FBXL7: variants seen among roughly 807,000 people sequenced by gnomAD.
FBXL7 encodes F-box and leucine rich repeat protein 7, also known as F-box/LRR-repeat protein 7.
FBXL7 carries 12 observed loss-of-function variants against 38.3 expected under a neutral mutation model. That is an observed-to-expected ratio of 0.31 (90% CI 0.20 to 0.51). The LOEUF (loss-of-function observed/expected upper bound fraction) is 0.51, where lower values mean the gene tolerates loss of function less well. Among genes scored for constraint, FBXL7 ranks in the 20% least tolerant of loss-of-function variants. FBXL7 has a pLI of 0.98. For synonymous variants in FBXL7, 297 were observed against 300.9 expected (o/e 0.99, Z 0.13); for missense variants, 567 against 676.4 (o/e 0.84, Z 1.79).
intron 2 of FBXL7, among the ~76,000 whole-genome samples, chr5:15,684,903 T>G (rs1034202998): frequency 2.0e-5 from 3 of 152,198 alleles, no homozygotes; most frequent in Non-Finnish European, 4.4e-5. Flanking sequence ...AATGGTACCA[T>G]GTAATGTCAA....
intron 2 of FBXL7, among the ~76,000 whole-genome samples, chr5:15,846,376 A>G (rs993528720): frequency 6.6e-6 from 1 of 152,244 alleles, no homozygotes; most frequent in Non-Finnish European, 1.5e-5. Flanking sequence ...GAGTGAAAGA[A>G]ATATAAGTCA....
chr5:15,646,257 T>C (rs1297478893), intron 2 of FBXL7, among the ~76,000 whole-genome samples: 1 of 152,244 alleles, frequency 6.6e-6, no homozygotes, highest in Non-Finnish European at 1.5e-5. Flanking sequence ...GTTTCCAGTA[T>C]GATCCTGACA....
At chr5:15,507,743 TA>T (rs923782760) in intron 1 of FBXL7, among the ~76,000 whole-genome samples, 2 of 152,048 alleles carry the variant, frequency 1.3e-5, no homozygotes, top group Admixed American at 6.5e-5. Flanking sequence ...TATGTCCCAA[TA>T]AAAAAAGTCT....
At chr5:15,798,052 T>C (rs1163405737) in intron 2 of FBXL7, among the ~76,000 whole-genome samples, 6 of 152,096 alleles carry the variant, frequency 3.9e-5, no homozygotes, top group Non-Finnish European at 8.8e-5. Flanking sequence ...AATGTGAACG[T>C]GGAGAGGGAG....
At chr5:15,573,130 C>A (rs939399831) in intron 1 of FBXL7, among the ~76,000 whole-genome samples, 39 of 152,250 alleles carry the variant, frequency 2.6e-4, no homozygotes, top group East Asian at 1.5e-3. Flanking sequence ...TTGTTTACTG[C>A]AGGTGTTTGT....
intron 2 of FBXL7, among the ~76,000 whole-genome samples, chr5:15,734,327 G>T (rs770122842): frequency 6.6e-6 from 1 of 152,190 alleles, no homozygotes; most frequent in Non-Finnish European, 1.5e-5. Context: ...CCTCAGTGAG[G>T]CACATACTGC....
chr5:15,678,458 C>G (rs1347833114), intron 2 of FBXL7, among the ~76,000 whole-genome samples: 1 of 152,190 alleles, frequency 6.6e-6, no homozygotes, highest in Admixed American at 6.5e-5. Context: ...TGGACATCTT[C>G]AAGATGGTGT....
In FBXL7 at chr5:15,628,703, T is replaced by C. The variant is rs1259302056; in HGVS notation, c.127+12631T>C. 2.6e-5 allele frequency among the ~76,000 whole-genome samples: 4 copies of C among 152,314 alleles called. No homozygotes were observed. In the South Asian group the frequency reaches 6.2e-4, roughly 24 times the overall value. On this transcript the variant is annotated intron_variant, in intron 2 of 3. Coordinates refer to ENST00000504595, the MANE Select transcript of FBXL7 (RefSeq NM_012304.5). ...ATATATAGCAGTATTTTCTATAACA[T>C]TAATTTATGCACTGTATATTAACTG...
intron 2 of FBXL7, among the ~76,000 whole-genome samples, chr5:15,894,825 C>A (rs181858965): frequency 6.6e-6 from 1 of 152,236 alleles, no homozygotes; most frequent in East Asian, 1.9e-4. Flanking sequence ...CTAGCTGTGC[C>A]ATCAGGCCTA....
chr5:15,786,921 A>C (rs1038050785), intron 2 of FBXL7, among the ~76,000 whole-genome samples: 1 of 152,184 alleles, frequency 6.6e-6, no homozygotes, highest in Non-Finnish European at 1.5e-5. Flanking sequence ...ATCATCTTGG[A>C]TTATCCAAGT....
intron 2 of FBXL7, among the ~76,000 whole-genome samples, chr5:15,691,831 G>A (rs937294937): frequency 8.5e-5 from 13 of 152,186 alleles, no homozygotes; most frequent in African/African-American, 3.1e-4. Flanking sequence ...TGAGAAAAGG[G>A]AAGTCTGGAA....
intron 2 of FBXL7, among the ~76,000 whole-genome samples, chr5:15,904,902 G>C (rs371263160): frequency 3.3e-5 from 5 of 152,246 alleles, no homozygotes; most frequent in South Asian, 2.1e-4. Context: ...CAACATCGTA[G>C]TATGTAAAAT....
rs150637348 is a variant in FBXL7, at chr5:15,813,229, T to A, written c.128-114661T>A. Among the ~76,000 whole-genome samples the A allele has an allele frequency of 9.0e-4, 137 of 152,220 alleles. 4 individuals carry two copies. The East Asian group carries it at 0.023, about 25-fold the overall frequency. On this transcript the variant is annotated intron_variant, in intron 2 of 3. Transcript: ENST00000504595. ...CGTTGTACTGGTACCAAAACAGATATACAGACTGATGGAACAGAACAGATG... is the reference window on the plus strand; with the variant it reads ...CGTTGTACTGGTACCAAAACAGATAAACAGACTGATGGAACAGAACAGATG...
chr5:15,815,266 T>C (rs1229582567), intron 2 of FBXL7, among the ~76,000 whole-genome samples: 1 of 152,172 alleles, frequency 6.6e-6, no homozygotes, highest in Non-Finnish European at 1.5e-5. Context: ...TCCAATGAGA[T>C]GCTTCTTGGA....
At chr5:15,738,358 T>G (rs1027353570) in intron 2 of FBXL7, among the ~76,000 whole-genome samples, 1 of 152,232 alleles carries the variant, frequency 6.6e-6, no homozygotes, top group Non-Finnish European at 1.5e-5. Flanking sequence ...AAAAAATATA[T>G]AATTAGGAAC....
At chr5:15,921,991 G>T (rs1388651481) in intron 2 of FBXL7, among the ~76,000 whole-genome samples, 2 of 152,092 alleles carry the variant, frequency 1.3e-5, no homozygotes, top group African/African-American at 4.8e-5. Context: ...ATACCCAAAG[G>T]AGATGAAATC....
At chr5:15,731,826 G>A (rs1285266954) in intron 2 of FBXL7, among the ~76,000 whole-genome samples, 6 of 152,134 alleles carry the variant, frequency 3.9e-5, no homozygotes, top group Admixed American at 3.9e-4. Context: ...TGTGTTCGGG[G>A]CTCTGGATTC....
At chr5:15,887,225 A>T (rs1046890634) in intron 2 of FBXL7, among the ~76,000 whole-genome samples, 2 of 152,198 alleles carry the variant, frequency 1.3e-5, no homozygotes, top group Non-Finnish European at 2.9e-5. Flanking sequence ...ACTCGATCCA[A>T]GTTTACATTT....
chr5:15,725,598 G>A lies in FBXL7; in HGVS notation c.127+109526G>A, dbSNP rs1178840515. Among the ~76,000 whole-genome samples the A allele has an allele frequency of 2.6e-5, 4 of 152,160 alleles. No homozygotes were observed. The South Asian group carries it at 8.3e-4, about 32-fold the overall frequency. The stretch of plus-strand genomic sequence containing the variant: ...TGCAAAATGTCCCATGTGTACCTGA[G>A]AAGAATGTGTATGCTGTTAATGTTG... On this transcript the variant is annotated intron_variant, in intron 2 of 3. Transcript: ENST00000504595.
Sources: allele counts gnomAD v4.1 joint callset (sites outside exome capture counted in the v4.1 genomes callset), GRCh38; gene constraint gnomAD v4.1.1; transcripts MANE v1.5; gene names NCBI Gene and HGNC (gene_info 2026-07-23, HGNC 2026-07-21).